TMEM117: variants seen among roughly 807,000 people sequenced by gnomAD.
The protein encoded by TMEM117 is transmembrane protein 117.
Under a neutral mutation model 52.4 loss-of-function variants are expected in TMEM117, and 27 were observed. The ratio of observed to expected loss-of-function variants is 0.51; its 90% CI spans 0.38 to 0.71. TMEM117 has a LOEUF of 0.71. TMEM117 is among the 30% of genes least tolerant of loss of function. The pLI is 0.00. For synonymous variants in TMEM117, 215 were observed against 206.3 expected, an observed-to-expected ratio of 1.04 and a Z score of -0.36; for missense variants, 556 against 630.5, an observed-to-expected ratio of 0.88 and a Z score of 1.26.
At chr12:44,384,178 G>C (rs922054861) in intron 7 of TMEM117, among the ~76,000 whole-genome samples, 3 of 152,120 alleles carry the variant, frequency 2.0e-5, no homozygotes, top group African/African-American at 7.2e-5. Context: ...TGGAAAGATG[G>C]ATGACAGAGA....
intron 5 of TMEM117, among the ~76,000 whole-genome samples, chr12:44,266,508 A>G (rs1381360918): frequency 6.6e-6 from 1 of 152,112 alleles, no homozygotes; most frequent in Non-Finnish European, 1.5e-5. Context: ...GTTTTTATAT[A>G]TTCTGCATAT....
chr12:44,009,001 C>T, intron 3 of TMEM117: 2 of 365,272 alleles, frequency 5.5e-6, no homozygotes, highest in Non-Finnish European at 1.1e-5. Flanking sequence ...TGTGAATTCT[C>T]TGGTACTTAA....
intron 4 of TMEM117, among the ~76,000 whole-genome samples, chr12:44,180,858 G>A (rs1393899904): frequency 6.6e-6 from 1 of 151,914 alleles, no homozygotes; most frequent in Non-Finnish European, 1.5e-5. Context: ...AGTCCTTTGG[G>A]TATATACCCA....
intron 2 of TMEM117, among the ~76,000 whole-genome samples, chr12:43,933,669 T>C (rs1944907634): frequency 6.6e-6 from 1 of 152,014 alleles, no homozygotes; most frequent in East Asian, 1.9e-4. Flanking sequence ...TTCAAGCTAT[T>C]CTTCTGCCTC....
chr12:43,944,749 A>T (rs1164124820), intron 3 of TMEM117, among the ~76,000 whole-genome samples: 1 of 152,168 alleles, frequency 6.6e-6, no homozygotes, highest in African/African-American at 2.4e-5. Context: ...AAAGTGGTAC[A>T]GGAGGCATTT....
chr12:44,201,299 C>G (rs1250359712), intron 4 of TMEM117, among the ~76,000 whole-genome samples: 1 of 152,050 alleles, frequency 6.6e-6, no homozygotes, highest in Non-Finnish European at 1.5e-5. Flanking sequence ...CGCCAAAATC[C>G]TCAGTATAGA....
At chr12:44,036,565 A>G (rs1946713528) in intron 3 of TMEM117, among the ~76,000 whole-genome samples, 1 of 152,232 alleles carries the variant, frequency 6.6e-6, no homozygotes, top group African/African-American at 2.4e-5. Context: ...GCTGTTTATC[A>G]CTAAGGTATT....
intron 3 of TMEM117, among the ~76,000 whole-genome samples, chr12:44,091,383 C>T (rs1947669136): frequency 6.6e-6 from 1 of 152,116 alleles, no homozygotes; most frequent in Admixed American, 6.6e-5. Context: ...TAGGATGAGG[C>T]CTCATGCTTA....
chr12:44,192,791 G>A (rs1042721257), intron 4 of TMEM117, among the ~76,000 whole-genome samples: 57 of 152,164 alleles, frequency 3.7e-4, no homozygotes, highest in African/African-American at 1.4e-3. Flanking sequence ...CTGTGACACT[G>A]AACCAGCTAT....
chr12:43,798,569 A>G, the TMEM117 span: 2 of 1,527,642 alleles, frequency 1.3e-6, no homozygotes, highest in Non-Finnish European at 1.7e-6. Flanking sequence ...GCATACCCCA[A>G]TATGATCCTC....
chr12:43,805,869 A>G, the TMEM117 span: 1 of 1,434,308 alleles, frequency 7.0e-7, no homozygotes. Context: ...AGTCGCCTCC[A>G]CTGTCCCAGC....
At chr12:44,097,566 G>T (rs1947789349) in intron 3 of TMEM117, among the ~76,000 whole-genome samples, 1 of 151,912 alleles carries the variant, frequency 6.6e-6, no homozygotes, top group Admixed American at 6.6e-5. Context: ...TTCTTTGTAG[G>T]GACATGGATG....
At chr12:43,988,717 A>G (rs759488355) in intron 3 of TMEM117, among the ~76,000 whole-genome samples, 1 of 152,094 alleles carries the variant, frequency 6.6e-6, no homozygotes, top group Non-Finnish European at 1.5e-5. Flanking sequence ...GCTGCACTGT[A>G]TCCATGGAAC....
At chr12:44,237,130 C>A (rs1950006698) in intron 5 of TMEM117, among the ~76,000 whole-genome samples, 1 of 151,936 alleles carries the variant, frequency 6.6e-6, no homozygotes, top group Admixed American at 6.6e-5. Context: ...GTTTTGCAGG[C>A]TTTTTAGTTT....
At chr12:44,255,141 C>T (rs547464261) in intron 5 of TMEM117, among the ~76,000 whole-genome samples, 1 of 152,178 alleles carries the variant, frequency 6.6e-6, no homozygotes, top group South Asian at 2.1e-4. Context: ...GTCTTTATAG[C>T]AGCATGATTT....
intron 6 of TMEM117, among the ~76,000 whole-genome samples, chr12:44,337,553 C>T (rs924182161): frequency 6.6e-6 from 1 of 151,948 alleles, no homozygotes; most frequent in Non-Finnish European, 1.5e-5. Context: ...CTTCCAGTGA[C>T]CCACGCCCTT....
intron 6 of TMEM117, among the ~76,000 whole-genome samples, chr12:44,345,277 C>T (rs1471282277): frequency 6.6e-6 from 1 of 151,946 alleles, no homozygotes; most frequent in African/African-American, 2.4e-5. Context: ...ATTGTGTTGG[C>T]TCTGAATTTC....
chr12:44,058,025 A>T, intron 3 of TMEM117, among the ~76,000 whole-genome samples: 1 of 152,224 alleles, frequency 6.6e-6, no homozygotes, highest in East Asian at 1.9e-4. Flanking sequence ...ATTATTGCTG[A>T]AGCATTTTTA....
chr12:44,165,078 C>T (rs1484571550), intron 4 of TMEM117, among the ~76,000 whole-genome samples: 9 of 152,048 alleles, frequency 5.9e-5, no homozygotes, highest in African/African-American at 1.2e-4. Flanking sequence ...CCCCTGCCAC[C>T]GCCTTCACCC....
Sources: allele counts gnomAD v4.1 joint callset (sites outside exome capture counted in the v4.1 genomes callset), GRCh38; gene constraint gnomAD v4.1.1; transcripts MANE v1.5; gene names NCBI Gene and HGNC (gene_info 2026-07-23, HGNC 2026-07-21).